The following GRM7 variants were observed in gnomAD, a reference collection of about 807,000 sequenced individuals.
GRM7 encodes the protein metabotropic glutamate receptor 7.
Under a neutral mutation model 84.5 loss-of-function variants are expected in GRM7, and 35 were observed. The observed-to-expected ratio is 0.41, with a 90% confidence interval of 0.32 to 0.55. The LOEUF (loss-of-function observed/expected upper bound fraction) is 0.55, where lower values mean the gene tolerates loss of function less well. GRM7 is among the 20% of genes least tolerant of loss of function. The pLI, the probability that GRM7 is intolerant of heterozygous loss-of-function variation, is 0.19. For synonymous variants in GRM7, 487 were observed against 455.1 expected, an observed-to-expected ratio of 1.07 and a Z score of -0.89; for missense variants, 1,003 against 1,194.6, an observed-to-expected ratio of 0.84 and a Z score of 2.36.
At chr3:7,689,620 G>C (rs147023647) in intron 9 of GRM7, among the ~76,000 whole-genome samples, 2 of 152,106 alleles carry the variant, frequency 1.3e-5, no homozygotes, top group South Asian at 4.1e-4. Flanking sequence ...TGCAACTGCC[G>C]TCTTAAGTTC....
chr3:7,069,789 T>C (rs1366709191), intron 1 of GRM7, among the ~76,000 whole-genome samples: 1 of 152,078 alleles, frequency 6.6e-6, no homozygotes, highest in Non-Finnish European at 1.5e-5. Flanking sequence ...TTTATAGATC[T>C]GTGTAGCTGA....
chr3:7,579,213 A>T lies in GRM7; in HGVS notation c.2307A>T (p.Thr769=). 1.9e-6 allele frequency: 3 copies of T among 1,613,960 alleles called. No individual in the cohort carries two copies. In the South Asian group the frequency reaches 3.3e-5, roughly 18 times the overall value. Residue 769 remains threonine, a synonymous_variant, in exon 8 of 10, where the codon ACA becomes ACT. Coordinates refer to ENST00000357716, the MANE Select transcript of GRM7 (RefSeq NM_000844.4). ...GATATAGCATTCTTCTCATGGTCAC[A>T]TGTACTGTGTATGCCATCAAGACTC... The part of the protein sequence containing the change: ...SLGYSILLMV[T]CTVYAIKTRG...
At chr3:7,641,150 A>T (rs151021807) in intron 8 of GRM7, among the ~76,000 whole-genome samples, 5 of 152,124 alleles carry the variant, frequency 3.3e-5, no homozygotes, top group African/African-American at 1.2e-4. Flanking sequence ...AGTAAACTCA[A>T]TTTCTTCCTA....
At chr3:7,437,235 T>C (rs1697095476) in intron 5 of GRM7, among the ~76,000 whole-genome samples, 2 of 152,218 alleles carry the variant, frequency 1.3e-5, no homozygotes, top group African/African-American at 2.4e-5. Flanking sequence ...AGTGCTGTTG[T>C]ATGAGTTAAG....
At chr3:7,505,218 C>T (rs558892603) in intron 7 of GRM7, among the ~76,000 whole-genome samples, 1 of 152,352 alleles carries the variant, frequency 6.6e-6, no homozygotes, top group Admixed American at 6.5e-5. Flanking sequence ...GGACCCCCTC[C>T]TCCACAAAAT....
At chr3:7,142,658 A>C (rs1009368597) in intron 1 of GRM7, among the ~76,000 whole-genome samples, 1 of 152,156 alleles carries the variant, frequency 6.6e-6, no homozygotes, top group Non-Finnish European at 1.5e-5. Flanking sequence ...GCCTAACCAT[A>C]TCAGTATCTG....
chr3:6,985,960 C>T (rs1049751191), intron 1 of GRM7, among the ~76,000 whole-genome samples: 4 of 152,108 alleles, frequency 2.6e-5, no homozygotes, highest in Non-Finnish European at 5.9e-5. Context: ...TTGAGAATAA[C>T]CAGCCTAACA....
At chr3:7,233,138 C>T (rs977418025) in intron 2 of GRM7, among the ~76,000 whole-genome samples, 2 of 152,070 alleles carry the variant, frequency 1.3e-5, no homozygotes, top group Non-Finnish European at 2.9e-5. Context: ...ATTATATGTT[C>T]TTGAAATAGA....
chr3:7,571,446 C>G (rs1299959030), intron 7 of GRM7, among the ~76,000 whole-genome samples: 1 of 152,156 alleles, frequency 6.6e-6, no homozygotes, highest in East Asian at 1.9e-4. Flanking sequence ...CCACAAATCT[C>G]TAGGGCAGCG....
intron 8 of GRM7, among the ~76,000 whole-genome samples, chr3:7,646,378 G>C (rs181193547): frequency 3.9e-5 from 6 of 152,132 alleles, no homozygotes; most frequent in Admixed American, 2.0e-4. Context: ...ATTTTTAGTA[G>C]AGAGGGGGTT....
intron 9 of GRM7, among the ~76,000 whole-genome samples, chr3:7,708,733 C>T (rs1360488618): frequency 1.3e-5 from 2 of 152,076 alleles, no homozygotes; most frequent in African/African-American, 4.8e-5. Flanking sequence ...CAACATCCTA[C>T]GGTTGATCTT....
chr3:7,681,644 T>A (rs2125142189), intron 9 of GRM7: 1 of 152,286 alleles, frequency 6.6e-6, no homozygotes, highest in African/African-American at 2.4e-5. Context: ...CTCTGTTGTG[T>A]CTCCAGAGCA....
intron 1 of GRM7, among the ~76,000 whole-genome samples, chr3:7,096,021 A>G (rs1427143001): frequency 6.6e-6 from 1 of 152,218 alleles, no homozygotes; most frequent in Non-Finnish European, 1.5e-5. Context: ...AACTAAAAAT[A>G]TTGAATATAC....
At chr3:7,724,602 ATCTC>A (rs1361721990) in intron 9 of GRM7, among the ~76,000 whole-genome samples, 4 of 152,200 alleles carry the variant, frequency 2.6e-5, no homozygotes, top group Non-Finnish European at 4.4e-5. Context: ...CTTTGCATCT[ATCTC>A]AAAAAGAAGG....
intron 2 of GRM7, among the ~76,000 whole-genome samples, chr3:7,174,909 C>T (rs1252066513): frequency 6.6e-6 from 1 of 152,096 alleles, no homozygotes; most frequent in African/African-American, 2.4e-5. Flanking sequence ...ATTTATTTTT[C>T]AGTAAAATGA....
intron 1 of GRM7, among the ~76,000 whole-genome samples, chr3:6,940,236 T>C (rs1056762350): frequency 6.6e-6 from 1 of 151,970 alleles, no homozygotes. Context: ...GGACTACAGG[T>C]GCGCACCACC....
chr3:7,079,419 C>T (rs557894867), intron 1 of GRM7, among the ~76,000 whole-genome samples: 6 of 152,104 alleles, frequency 3.9e-5, no homozygotes, highest in South Asian at 2.1e-4. Context: ...GGATTAAAAC[C>T]GAAATATCTT....
chr3:7,055,286 C>G (rs1029615356), intron 1 of GRM7, among the ~76,000 whole-genome samples: 1 of 151,452 alleles, frequency 6.6e-6, no homozygotes, highest in Admixed American at 6.6e-5. Context: ...ACTGTTAATA[C>G]CAATAACTAT....
In GRM7 at chr3:7,452,093, T is replaced by A. The variant is rs145033842; in HGVS notation, c.1175-514T>A. On this transcript the variant is annotated intron_variant, in intron 5 of 9. Transcript: ENST00000357716. ...TCATTAGACTTACATATGTGAGAGC[T>A]GGGATTGTGAAAGGGAAGAGAAAGA... 6.8e-4 allele frequency among the ~76,000 whole-genome samples: 103 copies of A among 152,230 alleles called. 1 individual carries two copies. Among genetic ancestry groups the A allele is most frequent in the African/African-American group, 2.3e-3 (96 of 41,542 alleles).
Sources: gnomAD v4.1 joint callset for allele counts (sites outside exome capture counted in the v4.1 genomes callset) on GRCh38, gnomAD v4.1.1 for gene constraint, MANE v1.5 for transcripts, NCBI Gene and HGNC (gene_info 2026-07-23, HGNC 2026-07-21) for gene names.